PHIP: variants seen among roughly 807,000 people sequenced by gnomAD.
The protein encoded by PHIP is PHIP subunit of CUL4-Ring ligase complex.
In PHIP, 54 loss-of-function variants were observed where a neutral mutation model predicts 236.8. The ratio of observed to expected loss-of-function variants is 0.23; its 90% CI spans 0.18 to 0.29. The LOEUF is 0.29. PHIP is among the 10% of genes least tolerant of loss of function. The pLI is 1.00. For synonymous variants in PHIP, 756 were observed against 718.9 expected, an observed-to-expected ratio of 1.05 and a Z score of -0.83; for missense variants, 1,370 against 2,190.8, an observed-to-expected ratio of 0.63 and a Z score of 7.48.
At chr6:78,946,405 G>T in intron 37 of PHIP, 145 bp from the exon 38 acceptor site, 2 of 1,390,250 alleles carry the variant, frequency 1.4e-6, no homozygotes, top group South Asian at 1.6e-5. Flanking sequence ...ATGATTGTGA[G>T]CCTTTGAAAG....
At position 78,990,983 on chromosome 6, in the gene PHIP, C is replaced by G; in HGVS notation, c.2204G>C (p.Arg735Thr). ...CTTTGCAGTTCTCCATTCTTCTTGC[C>G]TACTGAAAGACAAAAGCCATATGCA... ...VPELSAGVAS[R>T]QEEWRTAKGE... The change falls in exon 20 of 40, where the codon AGG becomes ACG. Residue 735 changes from arginine to threonine, a missense_variant and splice_region_variant. Arg to Thr is a moderately conservative substitution (Grantham distance 71). Around this residue, in one of 14 missense-constraint regions of PHIP, gnomAD observed 133 missense variants for 245.2 expected, o/e 0.54. Transcript: ENST00000275034. 1 of 1,584,852 alleles carries G rather than the reference C, an allele frequency of 6.3e-7. No homozygotes were observed. Among genetic ancestry groups the G allele is most frequent in the Non-Finnish European group, 8.6e-7 (1 of 1,157,620 alleles).
chr6:78,985,410 C>G lies in PHIP; in HGVS notation c.2479G>C (p.Val827Leu), dbSNP rs780891484. ...SSSDEGEVVA[V>L]SGGTSEEEER... Reference sequence around the variant, plus strand: ...TCTTCTTCGGATGTTCCACCACTGACAGCAACTACTTCGCCTTCCTAAGAT... The same window carrying G: ...TCTTCTTCGGATGTTCCACCACTGAGAGCAACTACTTCGCCTTCCTAAGAT... Residue 827 changes from valine (V) to leucine (L), a missense_variant, in exon 22 of 40, where the codon GTC becomes CTC. Val to Leu is a conservative substitution (Grantham distance 32). Coordinates refer to ENST00000275034, the MANE Select transcript of PHIP (RefSeq NM_017934.7). The G allele has an allele frequency of 6.3e-7, 1 of 1,591,434 alleles. No homozygotes were observed. Among genetic ancestry groups the G allele is most frequent in the Non-Finnish European group, 8.6e-7 (1 of 1,159,414 alleles).
At chr6:79,066,989 AAC>A (rs1773654097) in intron 4 of PHIP, among the ~76,000 whole-genome samples, 1 of 152,106 alleles carries the variant, frequency 6.6e-6, no homozygotes, top group Non-Finnish European at 1.5e-5. Flanking sequence ...CCTGGGCTCA[AAC>A]GATCCTCCGA....
chr6:79,037,166 A>G (rs1771981921), intron 7 of PHIP, among the ~76,000 whole-genome samples: 1 of 152,080 alleles, frequency 6.6e-6, no homozygotes, highest in African/African-American at 2.4e-5. Flanking sequence ...CATATACACT[A>G]TATTTAACTG....
At chr6:79,010,097 G>A (rs997082296) in intron 15 of PHIP, among the ~76,000 whole-genome samples, 1 of 151,162 alleles carries the variant, frequency 6.6e-6, no homozygotes, top group African/African-American at 2.4e-5. Context: ...GAGGGAGGGA[G>A]AAAGGGAGGG....
chr6:79,042,971 T>G lies in PHIP; in HGVS notation c.472A>C (p.Lys158Gln), dbSNP rs1345510316. 5 of 1,610,414 alleles carry G rather than the reference T, an allele frequency of 3.1e-6. No homozygotes were observed. The highest frequency in any genetic ancestry group is 4.2e-6 in the Non-Finnish European group (5 of 1,178,518). The change falls in exon 7 of 40, where the codon AAA (lysine) becomes CAA (glutamine). Residue 158 changes from lysine (K) to glutamine (Q), a missense_variant. Physicochemically the swap from Lys to Gln is moderately conservative, Grantham distance 53. Transcript: ENST00000275034. ...GGAACAAGTCGCTCAAGTCTGTATT[T>G]CCCATTCAGCTTCCTTGAAAACAGA... is the stretch of plus-strand genomic sequence containing the variant. The part of the protein sequence containing the change: ...DTLFSRKLNG[K>Q]YRLERLVPTA...
chr6:79,062,807 G>A (rs907851261), intron 4 of PHIP, among the ~76,000 whole-genome samples: 11 of 152,076 alleles, frequency 7.2e-5, no homozygotes, highest in African/African-American at 2.4e-4. Flanking sequence ...CTTTATACAA[G>A]CTGATGCCTC....
At chr6:78,961,869 G>C (rs534776081) in intron 30 of PHIP, 59 bp from the exon 31 acceptor site, 4 of 1,359,666 alleles carry the variant, frequency 2.9e-6, no homozygotes, top group African/African-American at 2.9e-5. Context: ...AATTCAAGAA[G>C]AATTCTGCTT....
At chr6:78,955,126 GA>G in intron 34 of PHIP, 105 bp downstream of exon 34, 2 of 890,916 alleles carry the variant, frequency 2.2e-6, no homozygotes, top group Non-Finnish European at 3.3e-6. Flanking sequence ...AAACTAATTT[GA>G]AATACTTAAT....
chr6:78,946,991 T>C (rs1357885138), intron 36 of PHIP, 117 bp from the exon 37 acceptor site: 1 of 565,348 alleles, frequency 1.8e-6, no homozygotes, highest in Non-Finnish European at 3.0e-6. Context: ...AATTATTGTT[T>C]TTTACATCCC....
intron 19 of PHIP, among the ~76,000 whole-genome samples, chr6:78,991,444 C>A (rs1769240495): frequency 6.6e-6 from 1 of 151,930 alleles, no homozygotes; most frequent in Non-Finnish European, 1.5e-5. Flanking sequence ...ACACTCTTTC[C>A]AGAGACAGGG....
chr6:79,068,748 T>C lies in PHIP; in HGVS notation c.190-7930A>G, dbSNP rs1773747883. 3.9e-5 allele frequency among the ~76,000 whole-genome samples: 6 copies of C among 152,240 alleles called. No individual in the cohort carries two copies. In the South Asian group the frequency reaches 1.2e-3, roughly 32 times the overall value. ...GTGTTGAACAAAATCTTTGTAAATCTAAATAGGAAAAAAATTTGAGCATGT... is the reference window on the plus strand; with the variant it reads ...GTGTTGAACAAAATCTTTGTAAATCCAAATAGGAAAAAAATTTGAGCATGT... On this transcript the variant is annotated intron_variant, in intron 4 of 39. Coordinates refer to ENST00000275034, the MANE Select transcript of PHIP (RefSeq NM_017934.7).
rs532397539 is a variant in PHIP at position 78,994,624 on chromosome 6, G to A, written c.2201+2790C>T. On this transcript the variant is annotated intron_variant, in intron 19 of 39. Transcript: ENST00000275034. ...ACATGAACCTAATAAAGCAATGGCA[G>A]GGTTTGAGAGGACTGACCCCAGTTT... Among the ~76,000 whole-genome samples the A allele has an allele frequency of 1.4e-4, 21 of 152,182 alleles. No individual in the cohort carries two copies. The South Asian group carries it at 2.7e-3, about 20-fold the overall frequency.
rs35415106 is a variant in PHIP, at chr6:79,007,654, CTT to C, written c.1525-3798_1525-3797del. Among the ~76,000 whole-genome samples, 865 of 116,650 alleles carry C rather than the reference CTT, an allele frequency of 7.4e-3. 13 individuals are homozygous for C. The highest frequency in any genetic ancestry group is 0.025 in the African/African-American group (730 of 29,716). 76.5% of individuals were successfully genotyped at this position (116,650 alleles called of 152,430 possible). A position where few individuals can be genotyped will look rare whatever the true frequency, so the allele number is the denominator to read the frequency against. On this transcript the variant is annotated intron_variant, in intron 15 of 39. Coordinates refer to ENST00000275034, the MANE Select transcript of PHIP (RefSeq NM_017934.7). Reference sequence around the variant, plus strand: ...ATTAGCAGGGTCAGTATGTCTTGTTCTTTTTTTTTTTTTTTTTTTTTTAAGCA... The same window carrying C: ...ATTAGCAGGGTCAGTATGTCTTGTTCTTTTTTTTTTTTTTTTTTTTAAGCA...
At position 78,946,740 on chromosome 6, in the gene PHIP, G is replaced by A; in HGVS notation, c.4341C>T (p.Ser1447=). The A allele has an allele frequency of 6.3e-7, 1 of 1,586,624 alleles. No individual in the cohort carries two copies. Among genetic ancestry groups the A allele is most frequent in the Admixed American group, 1.9e-5 (1 of 52,838 alleles). The change falls in exon 37 of 40, where the codon AGC becomes AGT. Residue 1447 remains serine (S), a synonymous_variant. Transcript: ENST00000275034. ...ITKRRKKRNR[S]SSVSSSAASS... is the part of the protein sequence containing the mutation. Reference sequence around the variant, plus strand: ...ATGCAGCACTACTGGAAACAGAGCTGCTTCTGTTTCTTTTCTTCCTCCTTT... The same window carrying A: ...ATGCAGCACTACTGGAAACAGAGCTACTTCTGTTTCTTTTCTTCCTCCTTT...
chr6:79,012,368 A>C (rs1770628281), intron 15 of PHIP, among the ~76,000 whole-genome samples: 1 of 151,780 alleles, frequency 6.6e-6, no homozygotes, highest in Non-Finnish European at 1.5e-5. Flanking sequence ...GAGTTTACTT[A>C]TCTGTTTTAT....
intron 11 of PHIP, 41 bp from the exon 12 acceptor site, chr6:79,017,427 T>C: frequency 6.3e-7 from 1 of 1,585,082 alleles, no homozygotes; most frequent in Non-Finnish European, 8.6e-7. Flanking sequence ...GTGCTGAATA[T>C]AAACTCTTGG....
chr6:78,984,569 ACT>A (rs1158713294), intron 22 of PHIP, among the ~76,000 whole-genome samples: 1 of 152,076 alleles, frequency 6.6e-6, no homozygotes, highest in Non-Finnish European at 1.5e-5. Flanking sequence ...GGTTTGAAAT[ACT>A]CTGATTCTGC....
chr6:79,037,925 G>A (rs2127756930), intron 7 of PHIP, among the ~76,000 whole-genome samples: 1 of 152,306 alleles, frequency 6.6e-6, no homozygotes, highest in Non-Finnish European at 1.5e-5. Flanking sequence ...TAGGAAAACA[G>A]ACATCTGTCA....
Sources: allele counts gnomAD v4.1 joint callset (sites outside exome capture counted in the v4.1 genomes callset), GRCh38; gene constraint gnomAD v4.1.1; regional missense constraint gnomAD v4.1.1; transcripts MANE v1.5; gene names NCBI Gene and HGNC (gene_info 2026-07-23, HGNC 2026-07-21).